RXRG: variants seen among roughly 807,000 people sequenced by gnomAD.
RXRG encodes the protein retinoid X receptor gamma, also known as retinoic acid receptor RXR-gamma.
In RXRG, 19 loss-of-function variants were observed where a neutral mutation model predicts 49.2. The ratio of observed to expected loss-of-function variants is 0.39; its 90% CI spans 0.27 to 0.57. The LOEUF is 0.57. Ranked by LOEUF, RXRG falls within the 20% of genes least tolerant of loss-of-function variation. The pLI is 0.64. For missense variants in RXRG, 452 were observed against 592.5 expected, an observed-to-expected ratio of 0.76 and a Z score of 2.46; for synonymous variants, 224 against 216.6, an observed-to-expected ratio of 1.03 and a Z score of -0.30.
At chr1:165,402,847 C>A (rs1657626237) in intron 9 of RXRG, among the ~76,000 whole-genome samples, 2 of 152,182 alleles carry the variant, frequency 1.3e-5, no homozygotes, top group South Asian at 4.1e-4. Context: ...TATATTCATG[C>A]ACATTATACA....
At chr1:165,404,640 A>T (rs1037534441) in intron 9 of RXRG, among the ~76,000 whole-genome samples, 1 of 152,252 alleles carries the variant, frequency 6.6e-6, no homozygotes, top group Non-Finnish European at 1.5e-5. Context: ...CATACATGAC[A>T]TGCGTAATAC....
At chr1:165,441,636 T>C (rs1223722398) in intron 1 of RXRG, among the ~76,000 whole-genome samples, 3 of 152,170 alleles carry the variant, frequency 2.0e-5, no homozygotes, top group Non-Finnish European at 4.4e-5. Flanking sequence ...GTAGCGAGCA[T>C]TAGTGTTACA....
rs1358570369 is a variant in RXRG, at chr1:165,428,956, G to A, written c.60C>T (p.Gly20=). The A allele has an allele frequency of 5.6e-6, 9 of 1,612,608 alleles. No homozygotes were observed. The African/African-American group carries it at 9.3e-5, about 17-fold the overall frequency. Residue 20 remains glycine, a synonymous_variant, in exon 2 of 10, where the codon GGC becomes GGT. Coordinates refer to ENST00000359842, the MANE Select transcript of RXRG (RefSeq NM_006917.5). ...GGCTCATGGATGTAGAGCCAGTGTG[G>A]CCAGGGGAGCCTGTAAGAAGAAGAA... is the stretch of plus-strand genomic sequence containing the variant. ...KFPAGYGGSP[G]HTGSTSMSPS... is the part of the protein sequence containing the mutation.
chr1:165,428,913 T>C lies in RXRG; in HGVS notation c.103A>G (p.Thr35Ala). The C allele has an allele frequency of 5.0e-6, 8 of 1,613,788 alleles. No individual in the cohort carries two copies. The highest frequency in any genetic ancestry group is 6.8e-6 in the Non-Finnish European group (8 of 1,179,936). ...TSMSPSAALS[T>A]GKPMDSHPSY... The stretch of plus-strand genomic sequence containing the variant: ...GGGTGGCTGTCCATTGGCTTCCCTG[T>C]GGACAAGGCTGCTGATGGGCTCATG... Residue 35 changes from threonine to alanine, a missense_variant, in exon 2 of 10, where the codon ACA (threonine) becomes GCA (alanine). By Grantham distance (58) the Thr-to-Ala change is moderately conservative (BLOSUM62 0). Around this residue, in one of 2 missense-constraint regions of RXRG, gnomAD observed 166 missense variants for 151.7 expected, o/e 1.09. Transcript: ENST00000359842.
rs201204388 is a variant in RXRG at position 165,417,210 on chromosome 1, G to A, written c.453C>T (p.Tyr151=). ...ICGDRSSGKH[Y]GVYSCEGCKG... Reference sequence around the variant, plus strand: ...TGCAGCCTTCACAACTGTATACCCCGTAGTGCTTTCCTGGTTAGAAGAAAA... The same window carrying A: ...TGCAGCCTTCACAACTGTATACCCCATAGTGCTTTCCTGGTTAGAAGAAAA... The change falls in exon 4 of 10, where the codon TAC becomes TAT. Residue 151 remains tyrosine, a synonymous_variant. Coordinates refer to ENST00000359842, the MANE Select transcript of RXRG (RefSeq NM_006917.5). 38 of 1,606,886 alleles carry A rather than the reference G, an allele frequency of 2.4e-5. No individual in the cohort carries two copies. Among genetic ancestry groups the A allele is most frequent in the African/African-American group, 9.4e-5 (7 of 74,628 alleles).
chr1:165,405,730 G>A (rs1233864787), intron 9 of RXRG, among the ~76,000 whole-genome samples: 2 of 152,192 alleles, frequency 1.3e-5, no homozygotes, highest in African/African-American at 4.8e-5. Context: ...AGGAATAGAT[G>A]TTTGTGTTAA....
chr1:165,425,617 C>T (rs1178522989), intron 2 of RXRG, among the ~76,000 whole-genome samples: 2 of 152,312 alleles, frequency 1.3e-5, no homozygotes, highest in African/African-American at 2.4e-5. Flanking sequence ...AAACCTCATA[C>T]ATTATGAAGC....
intron 7 of RXRG, 36 bp downstream of exon 7, chr1:165,409,522 T>C (rs1464145256): frequency 1.4e-6 from 2 of 1,389,824 alleles, no homozygotes; most frequent in South Asian, 1.8e-5. Flanking sequence ...CACACACACA[T>C]AATACACACA....
chr1:165,442,140 C>T (rs923832503), intron 1 of RXRG, among the ~76,000 whole-genome samples: 11 of 152,180 alleles, frequency 7.2e-5, no homozygotes, highest in Non-Finnish European at 1.5e-4. Flanking sequence ...TAATAAGTGC[C>T]GTGCAACTTG....
chr1:165,434,342 A>C (rs1376575488), intron 1 of RXRG, among the ~76,000 whole-genome samples: 1 of 150,746 alleles, frequency 6.6e-6, no homozygotes, highest in Non-Finnish European at 1.5e-5. Context: ...AAGGGGACAC[A>C]AAAGCCAGGG....
rs1283752849 is a variant in RXRG, at chr1:165,401,270, A to T, written c.1385T>A (p.Ile462Asn). The T allele has an allele frequency of 6.2e-7, 1 of 1,613,944 alleles. No individual in the cohort carries two copies. Among genetic ancestry groups the T allele is most frequent in the South Asian group, 1.1e-5 (1 of 91,064 alleles). The change falls in exon 10 of 10, where the codon ATC (isoleucine) becomes AAC (asparagine). Residue 462 changes from isoleucine (I) to asparagine (N), a missense_variant. Physicochemically the swap from Ile to Asn is moderately radical, Grantham distance 149 (BLOSUM62 -3). Transcript: ENST00000359842. ...GGCTGTGGCTGGTGGGGCTCAGGTG[A>T]TCTGCAGCGGGGTCTCCAACATCTC... is the stretch of plus-strand genomic sequence containing the variant. ...LMEMLETPLQIT is the reference protein window; with the variant it reads ...LMEMLETPLQNT
At chr1:165,435,440 T>C (rs1288656282) in intron 1 of RXRG, among the ~76,000 whole-genome samples, 1 of 152,072 alleles carries the variant, frequency 6.6e-6, no homozygotes, top group African/African-American at 2.4e-5. Flanking sequence ...CGCTAGCTGG[T>C]AAAGAGCAGG....
intron 9 of RXRG, among the ~76,000 whole-genome samples, chr1:165,403,615 G>A (rs1316115730): frequency 6.6e-6 from 1 of 152,168 alleles, no homozygotes. Flanking sequence ...GCATTTGAGT[G>A]GCATCACCAT....
chr1:165,425,019 TC>T, intron 2 of RXRG: 1 of 952,856 alleles, frequency 1.0e-6, no homozygotes, highest in Non-Finnish European at 1.2e-6. Context: ...TTAATATAGC[TC>T]CCCAAAGCCA....
chr1:165,402,935 A>G (rs1309287018), intron 9 of RXRG, among the ~76,000 whole-genome samples: 2 of 145,118 alleles, frequency 1.4e-5, no homozygotes, highest in Non-Finnish European at 3.0e-5. Context: ...ATGCACATGC[A>G]CACTCTTACA....
In RXRG at chr1:165,408,320, T is replaced by G; in HGVS notation, c.1047-2A>C. Reference sequence around the variant, plus strand: ...TTGGAAACCAGCTCAGTTAGGACTCTGTTAACAGGAAACAAGCAGGTAATG... The same window carrying G: ...TTGGAAACCAGCTCAGTTAGGACTCGGTTAACAGGAAACAAGCAGGTAATG... On this transcript the variant is annotated splice_acceptor_variant, in intron 7 of 9. Coordinates refer to ENST00000359842, the MANE Select transcript of RXRG (RefSeq NM_006917.5). LOFTEE classifies it high-confidence loss of function. 6.2e-7 allele frequency: 1 copy of G among 1,601,964 alleles called. No individual in the cohort carries two copies. Among genetic ancestry groups the G allele is most frequent in the Non-Finnish European group, 8.6e-7 (1 of 1,168,674 alleles).
intron 9 of RXRG, among the ~76,000 whole-genome samples, chr1:165,405,002 G>T (rs1192921350): frequency 6.6e-6 from 1 of 152,094 alleles, no homozygotes; most frequent in Admixed American, 6.5e-5. Flanking sequence ...CAGGTGATCC[G>T]CCAGCCTCAG....
At chr1:165,429,061 C>A in intron 1 of RXRG, 95 bp from the exon 2 acceptor site, 5 of 1,385,372 alleles carry the variant, frequency 3.6e-6, no homozygotes, top group Non-Finnish European at 4.9e-6. Context: ...TTCCTGTATC[C>A]TGCCCCTCTT....
At chr1:165,425,313 T>C (rs539515818) in intron 2 of RXRG, among the ~76,000 whole-genome samples, 5 of 152,312 alleles carry the variant, frequency 3.3e-5, no homozygotes, top group African/African-American at 1.2e-4. Flanking sequence ...ACGATTTTTA[T>C]TTGAAACTAT....
Sources: gnomAD v4.1 joint callset for allele counts (sites outside exome capture counted in the v4.1 genomes callset) on GRCh38, gnomAD v4.1.1 for gene constraint, gnomAD v4.1.1 regional missense constraint, MANE v1.5 for transcripts, NCBI Gene and HGNC (gene_info 2026-07-23, HGNC 2026-07-21) for gene names.